ABL2: variants seen among roughly 807,000 people sequenced by gnomAD.
ABL2 encodes the protein tyrosine-protein kinase ABL2.
Under a neutral mutation model 107.7 loss-of-function variants are expected in ABL2, and 49 were observed. That is an observed-to-expected ratio of 0.45 (90% CI 0.36 to 0.58). The LOEUF is 0.58. Among genes scored for constraint, ABL2 ranks in the 20% least tolerant of loss-of-function variants. The probability of loss-of-function intolerance (pLI) is 0.00; values close to 1 mark genes in which losing one functional copy is unlikely to be tolerated. For missense variants in ABL2, 1,245 were observed against 1,457.0 expected (o/e 0.85, Z 2.37); for synonymous variants, 549 against 548.6 (o/e 1.00, Z -0.01).
chr1:179,181,684 T>C (rs1477506478), intron 1 of ABL2, among the ~76,000 whole-genome samples: 3 of 152,186 alleles, frequency 2.0e-5, no homozygotes, highest in Non-Finnish European at 4.4e-5. Flanking sequence ...TTCCAGCTCA[T>C]TCTTTCTAAT....
chr1:179,203,004 A>G (rs949625087), intron 1 of ABL2, among the ~76,000 whole-genome samples: 1 of 152,240 alleles, frequency 6.6e-6, no homozygotes, highest in Non-Finnish European at 1.5e-5. Context: ...AATGATACAC[A>G]CATCAAAGAG....
chr1:179,225,421 C>T (rs1416328149), intron 1 of ABL2, among the ~76,000 whole-genome samples: 1 of 152,112 alleles, frequency 6.6e-6, no homozygotes, highest in Non-Finnish European at 1.5e-5. Context: ...GTAATTTGTA[C>T]ACTAGATTCG....
chr1:179,202,290 T>C (rs1661717612), intron 1 of ABL2, among the ~76,000 whole-genome samples: 1 of 152,194 alleles, frequency 6.6e-6, no homozygotes, highest in Non-Finnish European at 1.5e-5. Flanking sequence ...GCTAACAATA[T>C]GGAAGTGCTA....
At chr1:179,193,634 G>A (rs1196879357) in intron 1 of ABL2, among the ~76,000 whole-genome samples, 1 of 152,126 alleles carries the variant, frequency 6.6e-6, no homozygotes, top group Non-Finnish European at 1.5e-5. Context: ...TTGAACTCCT[G>A]ACCTCAAGTG....
chr1:179,217,071 G>C (rs1206326011), intron 1 of ABL2, among the ~76,000 whole-genome samples: 2 of 151,694 alleles, frequency 1.3e-5, no homozygotes, highest in East Asian at 4.0e-4. Flanking sequence ...CAAGGCAGGC[G>C]GATCACTTGA....
chr1:179,173,372 T>C (rs1659842328), intron 1 of ABL2, among the ~76,000 whole-genome samples: 1 of 144,998 alleles, frequency 6.9e-6, no homozygotes, highest in Non-Finnish European at 1.5e-5. Flanking sequence ...TTTTTTTTTT[T>C]TTTTTTTTTG....
intron 1 of ABL2, among the ~76,000 whole-genome samples, chr1:179,139,496 G>A (rs1001251574): frequency 6.6e-6 from 1 of 152,186 alleles, no homozygotes; most frequent in African/African-American, 2.4e-5. Context: ...AAGTCAGTGA[G>A]ACCAAGAACC....
rs762066859 is a variant in ABL2, at chr1:179,126,782, A to G, written c.392-110T>C. The G allele has an allele frequency of 1.3e-5, 15 of 1,162,030 alleles. No individual in the cohort carries two copies. The highest frequency in any genetic ancestry group is 3.1e-5 in the African/African-American group (2 of 64,318). The allele number at this position is 1,162,030 out of a possible 1,614,324, so 72.0% of individuals were successfully genotyped here. Reference sequence around the variant, plus strand: ...CATTAAAAAAAAAAAAGAATCTAGAACTTTTATGCCAAATTTTTTTTTTAA... The same window carrying G: ...CATTAAAAAAAAAAAAGAATCTAGAGCTTTTATGCCAAATTTTTTTTTTAA... On this transcript the variant is annotated intron_variant, in intron 3 of 11. Coordinates refer to ENST00000502732, the MANE Select transcript of ABL2 (RefSeq NM_007314.4). This position sits in a 1 kb window ranked among gnomAD's most constrained non-coding sequence, Gnocchi z 4.4.
chr1:179,174,895 CAAAAA>C (rs1161355678), intron 1 of ABL2, among the ~76,000 whole-genome samples: 5 of 33,692 alleles, frequency 1.5e-4, no homozygotes, highest in African/African-American at 1.9e-4. Flanking sequence ...GACTCTGTCT[CAAAAA>C]AAAAAAAATA....
chr1:179,189,657 T>C (rs775860309), intron 1 of ABL2, among the ~76,000 whole-genome samples: 2 of 151,898 alleles, frequency 1.3e-5, no homozygotes, highest in South Asian at 4.1e-4. Context: ...AACCCCAAAG[T>C]GTTTTGGCCT....
At position 179,215,608 on chromosome 1, in the gene ABL2, T is replaced by C. The variant is rs182109227; in HGVS notation, c.157+13633A>G. On this transcript the variant is annotated intron_variant, in intron 1 of 11. Coordinates refer to ENST00000502732, the MANE Select transcript of ABL2 (RefSeq NM_007314.4). The stretch of plus-strand genomic sequence containing the variant: ...TGGGCGTGGTGGCACATGCCTGTAA[T>C]CCCAGCTACTCAGGAGGCAGAGGTT... Among the ~76,000 whole-genome samples the C allele has an allele frequency of 3.9e-4, 59 of 151,610 alleles. No individual in the cohort carries two copies. In the East Asian group the frequency reaches 0.011, roughly 28 times the overall value.
Position 179,102,385 on chromosome 1 carries a change from T to G in ABL2, c.*5333A>C, listed in dbSNP as rs1344035486. On this transcript the variant is annotated 3_prime_UTR_variant, in exon 12 of 12. Transcript: ENST00000502732. ...ATATAGATATCTTGACTGTTAAGAG[T>G]TGGAGACGTTTCAGAAGTTCTCACA... is the stretch of plus-strand genomic sequence containing the variant. 9.4e-6 allele frequency: 2 copies of G among 213,424 alleles called. No homozygotes were observed. The highest frequency in any genetic ancestry group is 1.4e-4 in the East Asian group (2 of 14,380). 13.2% of individuals were successfully genotyped at this position (213,424 alleles called of 1,614,324 possible). A position where few individuals can be genotyped will look rare whatever the true frequency, so the allele number is the denominator to read the frequency against.
chr1:179,114,933 A>G lies in ABL2; in HGVS notation c.1506T>C (p.Tyr502=), dbSNP rs756998196. Residue 502 remains tyrosine (Y), a synonymous_variant, in exon 9 of 12, where the codon TAT becomes TAC. Transcript: ENST00000502732. ...GGCATCCCTCAGGCTGTTCCATTCG[A>G]TATCCTTTTTCTAGTAGGTCATAGA... ...SQVYDLLEKG[Y]RMEQPEGCPP... The G allele has an allele frequency of 1.2e-6, 2 of 1,612,616 alleles. No individual in the cohort carries two copies. The highest frequency in any genetic ancestry group is 1.7e-6 in the Non-Finnish European group (2 of 1,179,448).
At chr1:179,159,355 G>A (rs1329656245) in intron 1 of ABL2, among the ~76,000 whole-genome samples, 5 of 152,286 alleles carry the variant, frequency 3.3e-5, no homozygotes, top group African/African-American at 9.6e-5. Flanking sequence ...AACACATGAA[G>A]ATTATCACAG....
chr1:179,161,518 T>C (rs1252145550), intron 1 of ABL2, among the ~76,000 whole-genome samples: 2 of 152,156 alleles, frequency 1.3e-5, no homozygotes, highest in Non-Finnish European at 2.9e-5. Flanking sequence ...ATGATCAGCC[T>C]GGGCAACATA....
intron 3 of ABL2, among the ~76,000 whole-genome samples, chr1:179,128,127 T>C (rs1434803806): frequency 2.0e-5 from 3 of 152,064 alleles, no homozygotes; most frequent in Admixed American, 1.3e-4. Flanking sequence ...CCTTTTTTAG[T>C]GGCCTTCAGA....
intron 3 of ABL2, among the ~76,000 whole-genome samples, chr1:179,129,681 CAAA>C (rs1355294639): frequency 2.9e-5 from 2 of 67,954 alleles, no homozygotes; most frequent in Non-Finnish European, 6.0e-5. Flanking sequence ...GACTCTGTCT[CAAA>C]AAAAAAAAAA....
At chr1:179,133,278 T>G in intron 2 of ABL2, 34 bp downstream of exon 2, 2 of 1,613,834 alleles carry the variant, frequency 1.2e-6, no homozygotes, top group Non-Finnish European at 1.7e-6. Context: ...GCCAATGCCT[T>G]AGTTCAAATC....
chr1:179,190,593 C>T (rs961541240), intron 1 of ABL2, among the ~76,000 whole-genome samples: 5 of 151,628 alleles, frequency 3.3e-5, no homozygotes, highest in East Asian at 1.9e-4. Context: ...TCCACAGAGA[C>T]GTGGGGGGTG....
Sources: gnomAD v4.1 joint callset for allele counts (sites outside exome capture counted in the v4.1 genomes callset) on GRCh38, gnomAD v4.1.1 for gene constraint, Gnocchi (gnomAD v3.1) non-coding constraint, MANE v1.5 for transcripts, NCBI Gene and HGNC (gene_info 2026-07-23, HGNC 2026-07-21) for gene names.